Variants in SHPK observed in about 807,000 individuals in gnomAD.
SHPK encodes the protein sedoheptulokinase, also known as carbohydrate kinase-like protein.
In SHPK, 51 loss-of-function variants were observed where a neutral mutation model predicts 46.3. That is an observed-to-expected ratio of 1.10 (90% CI 0.88 to 1.39). SHPK has a LOEUF of 1.39. Ranked by LOEUF, SHPK falls within the 40% of genes most tolerant of loss-of-function variation. The pLI is 0.00. For synonymous variants in SHPK, 290 were observed against 273.9 expected (o/e 1.06, Z -0.58); for missense variants, 668 against 641.3 (o/e 1.04, Z -0.45).
At chr17:3,630,375 G>A (rs1304284948) in intron 1 of SHPK, 29 bp from the exon 2 acceptor site, 13 of 1,585,526 alleles carry the variant, frequency 8.2e-6, no homozygotes, top group African/African-American at 1.3e-5. Context: ...ACATGGGCAG[G>A]GGCAGACACA....
In SHPK at chr17:3,623,777, T is replaced by C. The variant is rs161369; in HGVS notation, c.494+271A>G. 0.46 allele frequency among the ~76,000 whole-genome samples: 70,143 copies of C among 152,092 alleles called. 18,704 individuals are homozygous for C. The highest frequency in any genetic ancestry group is 0.94 in the East Asian group (4,818 of 5,152). On this transcript the variant is annotated intron_variant, in intron 3 of 6. Coordinates refer to ENST00000225519, the MANE Select transcript of SHPK (RefSeq NM_013276.4). The stretch of plus-strand genomic sequence containing the variant: ...AGCAGCCTCGCAGGCCTGAACACAC[T>C]GCGAACTCTCCCCGTGACCCTCGGC...
At position 3,624,053 on chromosome 17, in the gene SHPK, T is replaced by C. The variant is rs1281300495; in HGVS notation, c.489A>G (p.Lys163=). The C allele has an allele frequency of 1.2e-6, 2 of 1,602,316 alleles. No individual in the cohort carries two copies. Among genetic ancestry groups the C allele is most frequent in the Middle Eastern group, 1.7e-4 (1 of 6,018 alleles). The change falls in exon 3 of 7, where the codon AAA becomes AAG. Residue 163 remains lysine, a synonymous_variant. Coordinates refer to ENST00000225519, the MANE Select transcript of SHPK (RefSeq NM_013276.4). ...FGCATIFWLL[K]YRPEFLKSYD... is the part of the protein sequence containing the mutation. Reference sequence around the variant, plus strand: ...GAAAGTGCAGTTGCCCGTACCGATATTTCAAAAGCCAGAAGATGGTTGCAC... The same window carrying C: ...GAAAGTGCAGTTGCCCGTACCGATACTTCAAAAGCCAGAAGATGGTTGCAC...
Position 3,609,793 on chromosome 17 carries a change from A to C in SHPK, c.*767T>G, listed in dbSNP as rs1350135736. ...CCTTGTCAGGTTCTGGAGTGGTGTG[A>C]GCTGCACAGCATCGGTCCCCCTTGC... On this transcript the variant is annotated 3_prime_UTR_variant, in exon 7 of 7. Coordinates refer to ENST00000225519, the MANE Select transcript of SHPK (RefSeq NM_013276.4). 6.6e-6 allele frequency: 1 copy of C among 152,500 alleles called. No individual in the cohort carries two copies. The highest frequency in any genetic ancestry group is 1.9e-4 in the East Asian group (1 of 5,198). 9.4% of individuals were successfully genotyped at this position (152,500 alleles called of 1,614,324 possible).
At chr17:3,624,274 G>T in intron 2 of SHPK, 43 bp from the exon 3 acceptor site, 1 of 1,563,446 alleles carries the variant, frequency 6.4e-7, no homozygotes, top group South Asian at 1.1e-5. Flanking sequence ...AAGAGCAAAT[G>T]ACTAGGCATG....
At chr17:3,621,489 CCCTT>C (rs1382021897) in intron 4 of SHPK, 77 bp from the exon 5 acceptor site, 1 of 1,363,370 alleles carries the variant, frequency 7.3e-7, no homozygotes, top group Non-Finnish European at 1.0e-6. Flanking sequence ...CTTCCTTCCT[CCCTT>C]CCTTCTCTCC....
intron 2 of SHPK, among the ~76,000 whole-genome samples, chr17:3,624,560 C>G (rs767440160): frequency 6.6e-6 from 1 of 152,170 alleles, no homozygotes; most frequent in African/African-American, 2.4e-5. Context: ...CCCTCCAACC[C>G]TCATCATGAC....
At chr17:3,635,992 G>A in intron 1 of SHPK, 60 bp downstream of exon 1, 3 of 1,456,026 alleles carry the variant, frequency 2.1e-6, no homozygotes, top group Admixed American at 2.6e-5. Context: ...GGCCTCCTGG[G>A]GTGGAAAAGG....
chr17:3,612,448 T>C (rs1389424715), intron 6 of SHPK, among the ~76,000 whole-genome samples: 1 of 151,042 alleles, frequency 6.6e-6, no homozygotes, highest in Admixed American at 6.6e-5. Flanking sequence ...AAAAAGCCTT[T>C]GGTTTCGATA....
intron 2 of SHPK, 54 bp downstream of exon 2, chr17:3,630,151 C>T: frequency 6.2e-7 from 1 of 1,610,160 alleles, no homozygotes; most frequent in South Asian, 1.1e-5. Flanking sequence ...CAGCACTGCT[C>T]TAGTTCTGGA....
chr17:3,622,731 G>T (rs1171219523), intron 4 of SHPK: 3 of 247,786 alleles, frequency 1.2e-5, no homozygotes, highest in African/African-American at 2.7e-5. Flanking sequence ...TGAGACAAGA[G>T]TCTCGCTCTG....
At chr17:3,634,240 C>T (rs532255511) in intron 1 of SHPK, among the ~76,000 whole-genome samples, 20 of 146,722 alleles carry the variant, frequency 1.4e-4, no homozygotes, top group South Asian at 4.4e-4. Context: ...TCCCCCTCTG[C>T]GAGAAACACC....
intron 5 of SHPK, among the ~76,000 whole-genome samples, chr17:3,620,447 TA>T (rs1256816754): frequency 9.2e-5 from 14 of 151,602 alleles, no homozygotes; most frequent in African/African-American, 3.4e-4. Flanking sequence ...TTTTTTTTTT[TA>T]ATACAGATGG....
chr17:3,634,497 G>A (rs1445389904), intron 1 of SHPK, among the ~76,000 whole-genome samples: 5 of 150,622 alleles, frequency 3.3e-5, no homozygotes, highest in African/African-American at 9.8e-5. Flanking sequence ...ACTTGAACCC[G>A]GGAGGCAGAG....
At chr17:3,635,834 G>A (rs1284051841) in intron 1 of SHPK, among the ~76,000 whole-genome samples, 1 of 152,210 alleles carries the variant, frequency 6.6e-6, no homozygotes. Flanking sequence ...CGGGGAGGGG[G>A]CGGGGGGGAA....
Position 3,626,400 on chromosome 17 carries a change from G to A in SHPK, c.311-2169C>T, listed in dbSNP as rs553179506. Among the ~76,000 whole-genome samples the A allele has an allele frequency of 7.9e-5, 12 of 151,908 alleles. No individual in the cohort carries two copies. The East Asian group carries it at 2.3e-3, about 29-fold the overall frequency. ...CTGGTCTCTTATGATTTAGATGCTA[G>A]TGCTTCTGTTTGTATCCTCAATACC... On this transcript the variant is annotated intron_variant, in intron 2 of 6. Coordinates refer to ENST00000225519, the MANE Select transcript of SHPK (RefSeq NM_013276.4).
intron 1 of SHPK, among the ~76,000 whole-genome samples, chr17:3,635,515 G>T (rs1261291931): frequency 6.6e-6 from 1 of 152,280 alleles, no homozygotes; most frequent in African/African-American, 2.4e-5. Flanking sequence ...GATTACAGGC[G>T]TGAGCCACCG....
chr17:3,623,430 G>T lies in SHPK; in HGVS notation c.556C>A (p.Leu186Met). ...ATCAGAGGTCTTGGCAAGCCACACAGCATGGCAACCACATAGTCGTGGATG... is the reference window on the plus strand; with the variant it reads ...ATCAGAGGTCTTGGCAAGCCACACATCATGGCAACCACATAGTCGTGGATG... ...GTIHDYVVAM[L>M]CGLPRPLMSD... is the part of the protein sequence containing the mutation. The change falls in exon 4 of 7, where the codon CTG (leucine) becomes ATG (methionine). Residue 186 changes from leucine (L) to methionine (M), a missense_variant. Coordinates refer to ENST00000225519, the MANE Select transcript of SHPK (RefSeq NM_013276.4). The T allele has an allele frequency of 6.2e-7, 1 of 1,614,160 alleles. No homozygotes were observed. Among genetic ancestry groups the T allele is most frequent in the Non-Finnish European group, 8.5e-7 (1 of 1,179,952 alleles).
chr17:3,614,720 T>C (rs1490116219), intron 6 of SHPK, among the ~76,000 whole-genome samples: 1 of 150,840 alleles, frequency 6.6e-6, no homozygotes, highest in African/African-American at 2.4e-5. Flanking sequence ...TGGTGGCGCA[T>C]GCCTGTAATC....
At position 3,622,704 on chromosome 17, in the gene SHPK, T is replaced by TCC. The variant is rs1459316414; in HGVS notation, c.647+634_647+635insGG. 5 of 351,866 alleles carry TCC rather than the reference T, an allele frequency of 1.4e-5. No homozygotes were observed. In the East Asian group the frequency reaches 2.1e-3, roughly 147 times the overall value. 21.8% of individuals were successfully genotyped at this position (351,866 alleles called of 1,614,324 possible). A position where few individuals can be genotyped will look rare whatever the true frequency, so the allele number is the denominator to read the frequency against. Reference sequence around the variant, plus strand: ...CAAGCCTACTATCTCTAGTTCTTTTTTCTTTTTTTTTTTTTTTGAGACAAG... The same window carrying TCC: ...CAAGCCTACTATCTCTAGTTCTTTTTCCTCTTTTTTTTTTTTTTTGAGACAAG... On this transcript the variant is annotated intron_variant, in intron 4 of 6. Transcript: ENST00000225519.
Sources: allele counts gnomAD v4.1 joint callset (sites outside exome capture counted in the v4.1 genomes callset), GRCh38; gene constraint gnomAD v4.1.1; transcripts MANE v1.5; gene names NCBI Gene and HGNC (gene_info 2026-07-23, HGNC 2026-07-21).